NRG3: variants seen among roughly 807,000 people sequenced by gnomAD.
NRG3 encodes the protein neuregulin 3, also known as pro-neuregulin-3, membrane-bound isoform.
A neutral mutation model predicts 66.9 loss-of-function variants in NRG3; 31 were observed. That is an observed-to-expected ratio of 0.46 (90% confidence interval 0.35 to 0.63). NRG3 has a LOEUF of 0.63. Ranked by LOEUF, NRG3 falls within the 20% of genes least tolerant of loss-of-function variation. NRG3 has a pLI of 0.00. For synonymous variants in NRG3, 393 were observed against 359.4 expected (o/e 1.09, Z -1.06); for missense variants, 910 against 878.9 (o/e 1.04, Z -0.45).
At chr10:82,810,320 G>A (rs1351731102) in intron 3 of NRG3, among the ~76,000 whole-genome samples, 1 of 152,202 alleles carries the variant, frequency 6.6e-6, no homozygotes, top group Non-Finnish European at 1.5e-5. Flanking sequence ...GGGATTGACA[G>A]TTGTGAATGA....
At chr10:82,068,478 C>A (rs927496313) in intron 1 of NRG3, among the ~76,000 whole-genome samples, 2 of 152,138 alleles carry the variant, frequency 1.3e-5, no homozygotes, top group African/African-American at 4.8e-5. Context: ...CCTTGAGAAG[C>A]GTACAGCTTA....
intron 2 of NRG3, among the ~76,000 whole-genome samples, chr10:82,583,864 A>T (rs2046509629): frequency 1.3e-5 from 2 of 152,326 alleles, no homozygotes; most frequent in Middle Eastern, 3.4e-3. Flanking sequence ...AGTAACAAAT[A>T]GACCAAAGTC....
chr10:82,520,808 C>G (rs1255396147), intron 2 of NRG3, among the ~76,000 whole-genome samples: 2 of 152,124 alleles, frequency 1.3e-5, no homozygotes, highest in Non-Finnish European at 2.9e-5. Context: ...TTAATTCTTT[C>G]CCTGTCCTTT....
At chr10:81,979,187 C>CAAAAAA (rs34468792) in intron 1 of NRG3, among the ~76,000 whole-genome samples, 1 of 81,976 alleles carries the variant, frequency 1.2e-5, no homozygotes, top group South Asian at 4.0e-4. Flanking sequence ...GACTCCGTCT[C>CAAAAAA]AAAAAAAAAA....
intron 1 of NRG3, among the ~76,000 whole-genome samples, chr10:82,068,462 T>A (rs2064617093): frequency 6.6e-6 from 1 of 152,238 alleles, no homozygotes; most frequent in Admixed American, 6.5e-5. Context: ...AATAGACGTT[T>A]CCTGCCCTTG....
At chr10:81,981,885 T>A (rs193203000) in intron 1 of NRG3, among the ~76,000 whole-genome samples, 32 of 152,210 alleles carry the variant, frequency 2.1e-4, no homozygotes, top group African/African-American at 7.7e-4. Context: ...TCTGCTGATA[T>A]AAGCCCATAT....
At chr10:82,065,606 T>C (rs1175576700) in intron 1 of NRG3, among the ~76,000 whole-genome samples, 1 of 152,092 alleles carries the variant, frequency 6.6e-6, no homozygotes, top group Admixed American at 6.6e-5. Context: ...GGGGGAAGAA[T>C]ATAGACTACT....
At chr10:82,915,466 T>G (rs1348343707) in intron 4 of NRG3, among the ~76,000 whole-genome samples, 1 of 152,182 alleles carries the variant, frequency 6.6e-6, no homozygotes, top group East Asian at 1.9e-4. Flanking sequence ...ATATTTGAAA[T>G]ACAGTAAATT....
chr10:82,894,159 G>C (rs1843430558), intron 4 of NRG3, among the ~76,000 whole-genome samples: 1 of 152,176 alleles, frequency 6.6e-6, no homozygotes, highest in Non-Finnish European at 1.5e-5. Flanking sequence ...AACAGTACAA[G>C]TGAGGAAAGA....
At chr10:82,329,118 A>G (rs2082013699) in intron 1 of NRG3, among the ~76,000 whole-genome samples, 1 of 152,224 alleles carries the variant, frequency 6.6e-6, no homozygotes, top group African/African-American at 2.4e-5. Flanking sequence ...TTCCAGGAGC[A>G]TGGAAGAAAA....
At chr10:82,352,202 C>T (rs1373674345) in intron 1 of NRG3, among the ~76,000 whole-genome samples, 1 of 152,014 alleles carries the variant, frequency 6.6e-6, no homozygotes, top group African/African-American at 2.4e-5. Flanking sequence ...CATGCACAAA[C>T]ACACACACAC....
chr10:82,187,198 T>A (rs982280271), intron 1 of NRG3, among the ~76,000 whole-genome samples: 2 of 152,164 alleles, frequency 1.3e-5, no homozygotes, highest in Non-Finnish European at 2.9e-5. Flanking sequence ...TGGAGTAATA[T>A]GACACATGTG....
chr10:82,644,735 G>T (rs2050819376), intron 2 of NRG3, among the ~76,000 whole-genome samples: 1 of 152,102 alleles, frequency 6.6e-6, no homozygotes, highest in Non-Finnish European at 1.5e-5. Context: ...ATTTTGCATT[G>T]CTTTTAGTTA....
chr10:82,367,951 C>T (rs763755049), intron 2 of NRG3, among the ~76,000 whole-genome samples: 1 of 151,840 alleles, frequency 6.6e-6, no homozygotes, highest in Non-Finnish European at 1.5e-5. Context: ...TGCAATAAGC[C>T]GAGATCATAC....
intron 1 of NRG3, among the ~76,000 whole-genome samples, chr10:81,881,771 T>G (rs1842203248): frequency 6.6e-6 from 1 of 152,162 alleles, no homozygotes; most frequent in Admixed American, 6.5e-5. Flanking sequence ...TCTAAGTATG[T>G]GTCTACTGGT....
At chr10:82,893,960 T>TA (rs1208135419) in intron 4 of NRG3, among the ~76,000 whole-genome samples, 1 of 152,206 alleles carries the variant, frequency 6.6e-6, no homozygotes, top group Non-Finnish European at 1.5e-5. Flanking sequence ...AAAAGTTGGT[T>TA]ATTAAAATGT....
rs188931957 is a variant in NRG3 at position 82,472,886 on chromosome 10, C to A, written c.953+114018C>A. ...GAATTTCTTGAATAAGCCAAGCCAACAATAGGCACAATGCTGCCTTTTCTG... is the reference window on the plus strand; with the variant it reads ...GAATTTCTTGAATAAGCCAAGCCAAAAATAGGCACAATGCTGCCTTTTCTG... On this transcript the variant is annotated intron_variant, in intron 2 of 8. Coordinates refer to ENST00000372141, the MANE Select transcript of NRG3 (RefSeq NM_001010848.4). 6.6e-5 allele frequency among the ~76,000 whole-genome samples: 10 copies of A among 152,286 alleles called. No homozygotes were observed. In the East Asian group the frequency reaches 1.4e-3, roughly 21 times the overall value.
chr10:82,226,590 T>A (rs2076172774), intron 1 of NRG3, among the ~76,000 whole-genome samples: 1 of 152,170 alleles, frequency 6.6e-6, no homozygotes, highest in Admixed American at 6.6e-5. Flanking sequence ...GTGAGGATAA[T>A]TATTAGCAGG....
chr10:82,263,349 C>T (rs899488017), intron 1 of NRG3, among the ~76,000 whole-genome samples: 4 of 152,292 alleles, frequency 2.6e-5, no homozygotes, highest in African/African-American at 9.6e-5. Context: ...AAAGTTCATG[C>T]ACTCTGAATG....
Sources: allele counts gnomAD v4.1 joint callset (sites outside exome capture counted in the v4.1 genomes callset), GRCh38; gene constraint gnomAD v4.1.1; transcripts MANE v1.5; gene names NCBI Gene and HGNC (gene_info 2026-07-23, HGNC 2026-07-21).